Variants in SLC38A10 observed in about 807,000 individuals in gnomAD.
The protein encoded by SLC38A10 is Sodium-coupled neutral amino acid transporter 10.
SLC38A10 carries 53 observed loss-of-function variants against 81.0 expected under a neutral mutation model. The ratio of observed to expected loss-of-function variants is 0.65; its 90% CI spans 0.53 to 0.82. The LOEUF (loss-of-function observed/expected upper bound fraction) is 0.82. Among genes scored for constraint, SLC38A10 ranks in the 40% least tolerant of loss-of-function variants. The probability of loss-of-function intolerance (pLI) is 0.00; values close to 1 mark genes in which losing one functional copy is unlikely to be tolerated. For missense variants in SLC38A10, 1,471 were observed against 1,545.0 expected, an observed-to-expected ratio of 0.95 and a Z score of 0.80; for synonymous variants, 665 against 655.3, an observed-to-expected ratio of 1.01 and a Z score of -0.23.
At chr17:81,251,332 G>A in intron 14 of SLC38A10, 161 bp downstream of exon 14, 1 of 1,612,978 alleles carries the variant, frequency 6.2e-7, no homozygotes, top group Non-Finnish European at 8.5e-7. Context: ...TGATGGGAAG[G>A]GAGCAGAAAG....
In SLC38A10 at chr17:81,283,400, C is replaced by T. The variant is rs1293475074; in HGVS notation, c.357+9G>A. ...TCTGAACAACCCAGAACCCTGAACA[C>T]ATCCTTACCTGAAACCCGAACAGCC... On this transcript the variant is annotated intron_variant, in intron 4 of 15. Transcript: ENST00000374759. The surrounding 1 kb of genome is among the most constrained non-coding windows in gnomAD (Gnocchi z 4.7). The T allele has an allele frequency of 1.2e-5, 20 of 1,610,292 alleles. No homozygotes were observed. The Admixed American group carries it at 1.5e-4, about 12-fold the overall frequency.
At chr17:81,249,778 C>A (rs1041466658) in intron 14 of SLC38A10, among the ~76,000 whole-genome samples, 2 of 152,142 alleles carry the variant, frequency 1.3e-5, no homozygotes, top group African/African-American at 4.8e-5. Context: ...GGCTGGTGCC[C>A]TAAGCAGCCT....
At chr17:81,255,849 G>A (rs1337446046) in intron 11 of SLC38A10, among the ~76,000 whole-genome samples, 1 of 152,192 alleles carries the variant, frequency 6.6e-6, no homozygotes, top group Non-Finnish European at 1.5e-5. Flanking sequence ...GCCGGGTGTG[G>A]TGCCGCGCCT....
At position 81,246,631 on chromosome 17, in the gene SLC38A10, T is replaced by C. The variant is rs1377998771; in HGVS notation, c.2285A>G (p.Gln762Arg). The change falls in exon 16 of 16, where the codon CAG (glutamine) becomes CGG (arginine). Residue 762 changes from glutamine to arginine, a missense_variant. Gln to Arg is a conservative substitution (Grantham distance 43). This residue lies in a region of SLC38A10 where 751 missense variants were observed against 717.4 expected (regional missense o/e 1.05). Coordinates refer to ENST00000374759, the MANE Select transcript of SLC38A10 (RefSeq NM_001037984.3). ...QEPGAAVPRG[Q>R]EAPEGKARET... is the part of the protein sequence containing the mutation. ...CCTGGCCTTGCCTTCAGGGGCCTCC[T>C]GGCCTCTGGGCACCGCTGCCCCGGG... The C allele has an allele frequency of 2.0e-6, 3 of 1,515,178 alleles. No individual in the cohort carries two copies. In the African/African-American group the frequency reaches 4.2e-5, roughly 21 times the overall value. The allele number at this position is 1,515,178 out of a possible 1,614,324, so 93.9% of individuals were successfully genotyped here.
rs201044577 is a variant in SLC38A10, at chr17:81,245,922, G to A, written c.2994C>T (p.His998=). ...CGTCCTCCCCGCCTCTCGGCTGCTC[G>A]TGGGACACAGGCACATGGTCCCCCC... The part of the protein sequence containing the change: ...ARGGDHVPVS[H]EQPRGGEDAA... The change falls in exon 16 of 16, where the codon CAC becomes CAT. Residue 998 remains histidine (H), a synonymous_variant. Coordinates refer to ENST00000374759, the MANE Select transcript of SLC38A10 (RefSeq NM_001037984.3). 172 of 1,610,968 alleles carry A rather than the reference G, an allele frequency of 1.1e-4. No homozygotes were observed. The highest frequency in any genetic ancestry group is 1.3e-4 in the Non-Finnish European group (156 of 1,178,832).
rs774856678 is a variant in SLC38A10, at chr17:81,294,941, C to T, written c.-20G>A. On this transcript the variant is annotated 5_prime_UTR_variant, in exon 1 of 16. Transcript: ENST00000374759. Reference sequence around the variant, plus strand: ...GGTCATAGTGAGAGGTCTAGGGGCCCGGGGCGAGAGGCCTCGGGGGTCGCC... The same window carrying T: ...GGTCATAGTGAGAGGTCTAGGGGCCTGGGGCGAGAGGCCTCGGGGGTCGCC... 1.3e-6 allele frequency: 2 copies of T among 1,567,846 alleles called. No individual in the cohort carries two copies. Among genetic ancestry groups the T allele is most frequent in the Non-Finnish European group, 8.6e-7 (1 of 1,159,284 alleles).
Position 81,276,186 on chromosome 17 carries a change from A to G in SLC38A10, c.730-35T>C, listed in dbSNP as rs1187959590. 5.1e-6 allele frequency: 8 copies of G among 1,564,334 alleles called. No individual in the cohort carries two copies. Among genetic ancestry groups the G allele is most frequent in the African/African-American group, 1.4e-5 (1 of 73,862 alleles). On this transcript the variant is annotated intron_variant, in intron 7 of 15. Transcript: ENST00000374759. The surrounding 1 kb of genome is among the most constrained non-coding windows in gnomAD (Gnocchi z 4.7). ...AATAAGAAATGGCAACGTGGCAGACAGACATCCTAGCCGAGTGGCACCTGT... is the reference window on the plus strand; with the variant it reads ...AATAAGAAATGGCAACGTGGCAGACGGACATCCTAGCCGAGTGGCACCTGT...
chr17:81,250,155 T>C, intron 14 of SLC38A10: 1 of 1,268,282 alleles, frequency 7.9e-7, no homozygotes, highest in East Asian at 5.6e-5. Context: ...GAAAAGTCTT[T>C]TTCAGAAAGA....
intron 14 of SLC38A10, among the ~76,000 whole-genome samples, chr17:81,249,268 G>A (rs1456337387): frequency 1.0e-4 from 7 of 69,784 alleles, no homozygotes; most frequent in Non-Finnish European, 1.1e-4. Context: ...GGAGGAGGGA[G>A]GAGGAGGAAG....
At position 81,246,429 on chromosome 17, in the gene SLC38A10, G is replaced by C. The variant is rs1443968935; in HGVS notation, c.2487C>G (p.Ala829=). The part of the protein sequence containing the change: ...DGGPDTEPRA[A]QAKLRDGQKD... Reference sequence around the variant, plus strand: ...TCTGGCCATCTCTCAGCTTGGCCTGGGCTGCCCGAGGCTCTGTGTCAGGGC... The same window carrying C: ...TCTGGCCATCTCTCAGCTTGGCCTGCGCTGCCCGAGGCTCTGTGTCAGGGC... Residue 829 remains alanine, a synonymous_variant, in exon 16 of 16, where the codon GCC becomes GCG. Coordinates refer to ENST00000374759, the MANE Select transcript of SLC38A10 (RefSeq NM_001037984.3). The C allele has an allele frequency of 6.3e-7, 1 of 1,595,918 alleles. No individual in the cohort carries two copies. The highest frequency in any genetic ancestry group is 8.5e-7 in the Non-Finnish European group (1 of 1,171,926).
rs910231906 is a variant in SLC38A10 at position 81,288,288 on chromosome 17, C to T, written c.217+1403G>A. ...CCCCTAAACACCATTTCCTCTCCCG[C>T]CACCTCCTCACTCTGCCGCGGGAGC... On this transcript the variant is annotated intron_variant, in intron 2 of 15. Transcript: ENST00000374759. This position sits in a 1 kb window ranked among gnomAD's most constrained non-coding sequence, Gnocchi z 5.4. Among the ~76,000 whole-genome samples the T allele has an allele frequency of 7.2e-5, 11 of 152,232 alleles. No individual in the cohort carries two copies. The highest frequency in any genetic ancestry group is 7.2e-4 in the Admixed American group (11 of 15,280).
chr17:81,267,258 A>C (rs1319022383), intron 10 of SLC38A10, among the ~76,000 whole-genome samples: 1 of 152,222 alleles, frequency 6.6e-6, no homozygotes, highest in Admixed American at 6.5e-5. Context: ...TAAACTGAGG[A>C]TACATACTTT....
chr17:81,294,729 C>A, intron 1 of SLC38A10, 94 bp downstream of exon 1: 1 of 1,201,162 alleles, frequency 8.3e-7, no homozygotes, highest in Non-Finnish European at 1.1e-6. Context: ...CAGCGAAGCC[C>A]TGCCCCGGCG....
intron 5 of SLC38A10, 58 bp downstream of exon 5, chr17:81,282,131 G>C: frequency 6.2e-7 from 1 of 1,604,126 alleles, no homozygotes. Context: ...TGTGGCCACA[G>C]GAAAGAATGG....
In SLC38A10 at chr17:81,295,169, C is replaced by A. The variant is rs1281363121; in HGVS notation, c.-248G>T. The A allele has an allele frequency of 1.5e-5, 6 of 409,482 alleles. No homozygotes were observed. The highest frequency in any genetic ancestry group is 8.6e-5 in the African/African-American group (4 of 46,374). The allele number at this position is 409,482 out of a possible 1,614,324, so 25.4% of individuals were successfully genotyped here. A position where few individuals can be genotyped will look rare whatever the true frequency, so the allele number is the denominator to read the frequency against. On this transcript the variant is annotated 5_prime_UTR_variant, in exon 1 of 16. Transcript: ENST00000374759. ...AACCTCCGGACCCCGCCAAGCCCTG[C>A]GGCCGCCTCAGGGCCATGCGTCCCT...
In SLC38A10 at chr17:81,289,770, G is replaced by A; in HGVS notation, c.138C>T (p.Cys46=). The change falls in exon 2 of 16, where the codon TGC becomes TGT. Residue 46 remains cysteine (C), a synonymous_variant. Coordinates refer to ENST00000374759, the MANE Select transcript of SLC38A10 (RefSeq NM_001037984.3). The surrounding 1 kb of genome is among the most constrained non-coding windows in gnomAD (Gnocchi z 5.9). ...TGCACGACTGGTGCGTCATCCATGA[G>A]CAGAAGACCAAGAGCAGCGCCCCCA... The part of the protein sequence containing the change: ...IVLGALLLVF[C]SWMTHQSCMF... 1 of 1,609,514 alleles carries A rather than the reference G, an allele frequency of 6.2e-7. No individual in the cohort carries two copies. Among genetic ancestry groups the A allele is most frequent in the East Asian group, 2.2e-5 (1 of 44,648 alleles).
At chr17:81,279,051 T>A (rs1257152283) in intron 6 of SLC38A10, among the ~76,000 whole-genome samples, 1 of 152,222 alleles carries the variant, frequency 6.6e-6, no homozygotes, top group Non-Finnish European at 1.5e-5. Context: ...AGACGGAGCA[T>A]CCCTGGCCCG....
At chr17:81,274,901 C>T (rs1598397591) in intron 8 of SLC38A10, among the ~76,000 whole-genome samples, 1 of 152,296 alleles carries the variant, frequency 6.6e-6, no homozygotes, top group African/African-American at 2.4e-5. Flanking sequence ...CCCAGCCTCA[C>T]TTTTTATTTT....
At chr17:81,261,940 G>A (rs964542978) in intron 10 of SLC38A10, among the ~76,000 whole-genome samples, 1 of 152,208 alleles carries the variant, frequency 6.6e-6, no homozygotes, top group Admixed American at 6.5e-5. Context: ...GCTCTGCCCC[G>A]CCCTGGCCCC....
Sources: allele counts gnomAD v4.1 joint callset (sites outside exome capture counted in the v4.1 genomes callset), GRCh38; gene constraint gnomAD v4.1.1; regional missense constraint gnomAD v4.1.1; non-coding constraint Gnocchi (gnomAD v3.1); transcripts MANE v1.5; gene names NCBI Gene and HGNC (gene_info 2026-07-23, HGNC 2026-07-21).